The following SLC14A2 variants were observed in gnomAD, a reference collection of about 807,000 sequenced individuals.
SLC14A2 encodes the protein solute carrier family 14 member 2.
Under a neutral mutation model 104.6 loss-of-function variants are expected in SLC14A2, and 91 were observed. The observed-to-expected ratio is 0.87, with a 90% CI of 0.73 to 1.04. The LOEUF (loss-of-function observed/expected upper bound fraction) is 1.04, where lower values mean the gene tolerates loss of function less well. Ranked by LOEUF, SLC14A2 falls within the 50% of genes least tolerant of loss-of-function variation. The probability of loss-of-function intolerance (pLI) is 0.00; values close to 1 mark genes in which losing one functional copy is unlikely to be tolerated. For synonymous variants in SLC14A2, 476 were observed against 466.4 expected (o/e 1.02, Z -0.27); for missense variants, 1,189 against 1,156.0 (o/e 1.03, Z -0.41).
At chr18:45,432,236 C>A (rs1307714901) in intron 1 of SLC14A2, among the ~76,000 whole-genome samples, 4 of 152,128 alleles carry the variant, frequency 2.6e-5, no homozygotes, top group Admixed American at 6.5e-5. Context: ...CAGTGTTCTG[C>A]ATGACAATGA....
intron 1 of SLC14A2, among the ~76,000 whole-genome samples, chr18:45,432,006 G>C (rs748210174): frequency 1.3e-5 from 2 of 152,102 alleles, no homozygotes; most frequent in Non-Finnish European, 2.9e-5. Flanking sequence ...ACAACCCCTG[G>C]TTTATGTAGT....
At position 45,626,978 on chromosome 18, in the gene SLC14A2, T is replaced by C. The variant is rs1368991411; in HGVS notation, c.352T>C (p.Phe118Leu). 2 of 1,611,974 alleles carry C rather than the reference T, an allele frequency of 1.2e-6. No homozygotes were observed. The highest frequency in any genetic ancestry group is 2.7e-5 in the African/African-American group (2 of 74,838). Residue 118 changes from phenylalanine (F) to leucine (L), a missense_variant, in exon 4 of 20, where the codon TTC becomes CTC. Phe to Leu is a conservative substitution (Grantham distance 22). Coordinates refer to ENST00000255226, the MANE Select transcript of SLC14A2 (RefSeq NM_007163.4). ...TTCAGACAAGCACCTTGCCCTCCAGTTCATAGACTGGGTCCTGAGAGGGAC... is the reference window on the plus strand; with the variant it reads ...TTCAGACAAGCACCTTGCCCTCCAGCTCATAGACTGGGTCCTGAGAGGGAC... ...WLKDKHLALQ[F>L]IDWVLRGTAQ... is the part of the protein sequence containing the mutation.
chr18:45,369,029 T>A (rs2247326), intron 1 of SLC14A2, among the ~76,000 whole-genome samples: 1 of 151,886 alleles, frequency 6.6e-6, no homozygotes, highest in African/African-American at 2.4e-5. Context: ...ATGAGTGTTT[T>A]CAACCAGTCC....
At chr18:45,289,146 G>T (rs561405072) in intron 1 of SLC14A2, among the ~76,000 whole-genome samples, 6 of 152,258 alleles carry the variant, frequency 3.9e-5, no homozygotes, top group African/African-American at 9.6e-5. Flanking sequence ...CAGGGGCTGG[G>T]TATGCTGCCC....
chr18:45,456,676 C>T (rs554659231), intron 1 of SLC14A2, among the ~76,000 whole-genome samples: 1 of 152,034 alleles, frequency 6.6e-6, no homozygotes, highest in East Asian at 1.9e-4. Context: ...AAAGGGATGG[C>T]TTGTGATGAA....
intron 2 of SLC14A2, among the ~76,000 whole-genome samples, chr18:45,536,584 C>T (rs1268118890): frequency 1.3e-5 from 2 of 152,118 alleles, no homozygotes; most frequent in African/African-American, 2.4e-5. Context: ...GATTAAGAGC[C>T]GCTCTTCTCC....
intron 1 of SLC14A2, among the ~76,000 whole-genome samples, chr18:45,309,909 A>G (rs1194280241): frequency 6.6e-6 from 1 of 152,000 alleles, no homozygotes; most frequent in African/African-American, 2.4e-5. Flanking sequence ...CCATTTATAT[A>G]TATATATATA....
intron 1 of SLC14A2, among the ~76,000 whole-genome samples, chr18:45,233,042 C>G (rs1423252322): frequency 6.6e-6 from 1 of 152,108 alleles, no homozygotes; most frequent in East Asian, 1.9e-4. Context: ...AAACAATTTC[C>G]CCCTCTTGCA....
intron 2 of SLC14A2, among the ~76,000 whole-genome samples, chr18:45,580,446 T>A (rs1815956): frequency 0.4 from 60,873 of 151,348 alleles, 12,447 homozygotes; most frequent in East Asian, 0.66. Flanking sequence ...TTAGAGAGAG[T>A]GTGGGGAGGA....
At chr18:45,651,174 C>T (rs1204400002) in intron 10 of SLC14A2, among the ~76,000 whole-genome samples, 2 of 152,136 alleles carry the variant, frequency 1.3e-5, no homozygotes, top group Non-Finnish European at 2.9e-5. Flanking sequence ...CATGATCAAT[C>T]ATTTGTATCT....
chr18:45,303,020 AAAAAG>A (rs1279047849), intron 1 of SLC14A2, among the ~76,000 whole-genome samples: 47 of 152,302 alleles, frequency 3.1e-4, no homozygotes, highest in South Asian at 8.3e-4. Flanking sequence ...TTGATTTAAA[AAAAAG>A]AAAAGAAAAG....
chr18:45,426,628 A>G (rs1289803255), intron 1 of SLC14A2, among the ~76,000 whole-genome samples: 3 of 148,852 alleles, frequency 2.0e-5, no homozygotes, highest in African/African-American at 7.4e-5. Flanking sequence ...ACACATATAT[A>G]TACTATATAT....
chr18:45,422,520 C>T (rs953784351), intron 1 of SLC14A2, among the ~76,000 whole-genome samples: 4 of 151,934 alleles, frequency 2.6e-5, no homozygotes, highest in African/African-American at 7.3e-5. Flanking sequence ...GAAGGGGAGG[C>T]GTGGAGAGGA....
intron 2 of SLC14A2, among the ~76,000 whole-genome samples, chr18:45,535,605 C>G (rs1403903513): frequency 1.3e-5 from 2 of 152,102 alleles, no homozygotes; most frequent in Non-Finnish European, 1.5e-5. Context: ...GCTCTGAGTC[C>G]AGAGTTAGCA....
intron 2 of SLC14A2, among the ~76,000 whole-genome samples, chr18:45,519,175 G>T (rs906109473): frequency 6.6e-6 from 1 of 152,162 alleles, no homozygotes; most frequent in East Asian, 1.9e-4. Flanking sequence ...AATAAAAAAT[G>T]TCGTCCATCT....
chr18:45,181,744 A>T, the SLC14A2 span, among the ~76,000 whole-genome samples: 2 of 152,216 alleles, frequency 1.3e-5, no homozygotes, highest in African/African-American at 2.4e-5. Flanking sequence ...AATTAATAAC[A>T]TCAAAATGTA....
intron 1 of SLC14A2, among the ~76,000 whole-genome samples, chr18:45,313,751 A>G (rs565523183): frequency 4.6e-5 from 7 of 152,348 alleles, no homozygotes; most frequent in East Asian, 1.9e-4. Context: ...CTCAGTAAAC[A>G]TTAATTATTA....
chr18:45,671,996 G>A (rs762363541), intron 16 of SLC14A2, among the ~76,000 whole-genome samples: 2 of 152,138 alleles, frequency 1.3e-5, no homozygotes, highest in African/African-American at 2.4e-5. Context: ...TCACAGACAG[G>A]CCCCACCAGC....
At chr18:45,381,562 C>T (rs1201887299) in intron 1 of SLC14A2, among the ~76,000 whole-genome samples, 2 of 152,174 alleles carry the variant, frequency 1.3e-5, no homozygotes, top group Non-Finnish European at 2.9e-5. Context: ...TCCATATTTT[C>T]TTTCTTTCTT....
Sources: gnomAD v4.1 joint callset for allele counts (sites outside exome capture counted in the v4.1 genomes callset) on GRCh38, gnomAD v4.1.1 for gene constraint, MANE v1.5 for transcripts, NCBI Gene and HGNC (gene_info 2026-07-23, HGNC 2026-07-21) for gene names.